KLF4: variants seen among roughly 807,000 people sequenced by gnomAD.
KLF4 encodes the protein KLF transcription factor 4.
In KLF4, 14 loss-of-function variants were observed where a neutral mutation model predicts 38.0. That is an observed-to-expected ratio of 0.37 (90% CI 0.24 to 0.58). KLF4 has a LOEUF of 0.58. KLF4 is among the 20% of genes least tolerant of loss of function. KLF4 has a pLI of 0.76. For synonymous variants in KLF4, 398 were observed against 302.5 expected, an observed-to-expected ratio of 1.32 and a Z score of -3.28; for missense variants, 737 against 670.1, an observed-to-expected ratio of 1.10 and a Z score of -1.10.
rs1587921250 is a variant in KLF4, at chr9:107,487,456, C to T, written c.938G>A (p.Ser313Asn). The T allele has an allele frequency of 6.5e-7, 1 of 1,533,666 alleles. No individual in the cohort carries two copies. The highest frequency in any genetic ancestry group is 8.8e-7 in the Non-Finnish European group (1 of 1,142,316). ...HDFPLGRQLP[S>N]RTTPTLGLEE... ...AAGACCCAGGGTCGGGGTAGTCCTG[C>T]TGGGGAGCTGCCGCCCCAGGGGGAA... Residue 313 changes from serine to asparagine, a missense_variant, in exon 3 of 5, where the codon AGC becomes AAC. This residue lies in a region of KLF4 where 695 missense variants were observed against 554.5 expected (regional missense o/e 1.25). Transcript: ENST00000374672. This position sits in a 1 kb window ranked among gnomAD's most constrained non-coding sequence, Gnocchi z 6.1.
rs780247883 is a variant in KLF4 at position 107,488,881 on chromosome 9, A to C, written c.126+49T>G. On this transcript the variant is annotated intron_variant, in intron 2 of 4. Coordinates refer to ENST00000374672, the MANE Select transcript of KLF4 (RefSeq NM_004235.6). The surrounding 1 kb of genome is among the most constrained non-coding windows in gnomAD (Gnocchi z 5.7). Reference sequence around the variant, plus strand: ...CCAAGGCTCCGCCCGCCCCCACCACACCCACGAAAACCCACCGGGCGTTCC... The same window carrying C: ...CCAAGGCTCCGCCCGCCCCCACCACCCCCACGAAAACCCACCGGGCGTTCC... 1.3e-6 allele frequency: 2 copies of C among 1,532,920 alleles called. No homozygotes were observed. The highest frequency in any genetic ancestry group is 1.8e-6 in the Non-Finnish European group (2 of 1,134,738). The allele number at this position is 1,532,920 out of a possible 1,614,324, so 95.0% of individuals were successfully genotyped here. A position where few individuals can be genotyped will look rare whatever the true frequency, so the allele number is the denominator to read the frequency against.
Position 107,488,882 on chromosome 9 carries a change from C to A in KLF4, c.126+48G>T, listed in dbSNP as rs915511725. On this transcript the variant is annotated intron_variant, in intron 2 of 4. Coordinates refer to ENST00000374672, the MANE Select transcript of KLF4 (RefSeq NM_004235.6). This position sits in a 1 kb window ranked among gnomAD's most constrained non-coding sequence, Gnocchi z 5.7. Reference sequence around the variant, plus strand: ...CAAGGCTCCGCCCGCCCCCACCACACCCACGAAAACCCACCGGGCGTTCCC... The same window carrying A: ...CAAGGCTCCGCCCGCCCCCACCACAACCACGAAAACCCACCGGGCGTTCCC... 3.9e-6 allele frequency: 6 copies of A among 1,534,720 alleles called. No homozygotes were observed. The Admixed American group carries it at 8.0e-5, about 20-fold the overall frequency.
Position 107,486,739 on chromosome 9 carries a change from C to T in KLF4, c.1264+289G>A, listed in dbSNP as rs535318030. 2.6e-5 allele frequency among the ~76,000 whole-genome samples: 4 copies of T among 152,110 alleles called. No individual in the cohort carries two copies. The South Asian group carries it at 8.3e-4, about 32-fold the overall frequency. Reference sequence around the variant, plus strand: ...AGGCCCACAGACCGCGGGGAATCTCCTGCCTTTTAAAAGCCTAACAAAATT... The same window carrying T: ...AGGCCCACAGACCGCGGGGAATCTCTTGCCTTTTAAAAGCCTAACAAAATT... On this transcript the variant is annotated intron_variant, in intron 4 of 4. Transcript: ENST00000374672.
chr9:107,487,368 G>C lies in KLF4; in HGVS notation c.1026C>G (p.Pro342=). The change falls in exon 3 of 5, where the codon CCC becomes CCG. Residue 342 remains proline (P), a synonymous_variant. Coordinates refer to ENST00000374672, the MANE Select transcript of KLF4 (RefSeq NM_004235.6). This position sits in a 1 kb window ranked among gnomAD's most constrained non-coding sequence, Gnocchi z 6.1. The stretch of plus-strand genomic sequence containing the variant: ...AGGATGGGTAATTGGGCCCCGGGTG[G>C]GGATGGAAGCCGGGAGGAAGCGGCA... ...PALPLPPGFH[P]HPGPNYPSFL... 6.5e-7 allele frequency: 1 copy of C among 1,540,782 alleles called. No homozygotes were observed. Among genetic ancestry groups the C allele is most frequent in the Non-Finnish European group, 8.7e-7 (1 of 1,145,112 alleles).
chr9:107,489,650 G>A lies in KLF4; in HGVS notation c.-478C>T. 7.0e-6 allele frequency: 1 copy of A among 143,366 alleles called. No individual in the cohort carries two copies. The highest frequency in any genetic ancestry group is 1.4e-5 in the Non-Finnish European group (1 of 72,324). 8.9% of individuals were successfully genotyped at this position (143,366 alleles called of 1,614,324 possible). On this transcript the variant is annotated 5_prime_UTR_variant, in exon 1 of 5. Coordinates refer to ENST00000374672, the MANE Select transcript of KLF4 (RefSeq NM_004235.6). ...GCGGGCCACGGGCGGGTGGGAGGGT[G>A]GGGGGCCAGAGGGGCGGGGGAGGGT...
Position 107,488,138 on chromosome 9 carries a change from T to C in KLF4, c.256A>G (p.Ser86Gly), listed in dbSNP as rs781329720. ...CTCCGAGGTAGGGGCGCCAGGTTGC[T>C]ACCGCCGCAAGCCGCACCGGCTCCG... is the stretch of plus-strand genomic sequence containing the variant. ...SGGAGAACGG[S>G]NLAPLPRRET... The change falls in exon 3 of 5, where the codon AGC becomes GGC. Residue 86 changes from serine to glycine, a missense_variant. Ser to Gly is a moderately conservative substitution (Grantham distance 56, BLOSUM62 0). This residue lies in a region of KLF4 where 695 missense variants were observed against 554.5 expected (regional missense o/e 1.25). Transcript: ENST00000374672. This position sits in a 1 kb window ranked among gnomAD's most constrained non-coding sequence, Gnocchi z 5.7. 3.1e-5 allele frequency: 50 copies of C among 1,612,356 alleles called. 1 individual carries two copies. The South Asian group carries it at 4.2e-4, about 13-fold the overall frequency.
chr9:107,488,249 A>G lies in KLF4; in HGVS notation c.145T>C (p.Ser49Pro). The G allele has an allele frequency of 2.5e-6, 4 of 1,607,108 alleles. No homozygotes were observed. The highest frequency in any genetic ancestry group is 3.4e-6 in the Non-Finnish European group (4 of 1,177,874). ...ACTGGGGGAAGTCGCTTCATGTGGG[A>G]GAGCTCCTCCCGCCAGCGCTGCGGG... is the stretch of plus-strand genomic sequence containing the variant. Reference protein sequence around the residue: ...APNNRWREELSHMKRLPPVLP... With the variant: ...APNNRWREELPHMKRLPPVLP... The change falls in exon 3 of 5, where the codon TCC becomes CCC. Residue 49 changes from serine (S) to proline (P), a missense_variant. By Grantham distance (74) the Ser-to-Pro change is moderately conservative (BLOSUM62 -1). This residue lies in a region of KLF4 where 695 missense variants were observed against 554.5 expected (regional missense o/e 1.25). Transcript: ENST00000374672. The surrounding 1 kb of genome is among the most constrained non-coding windows in gnomAD (Gnocchi z 5.7).
chr9:107,488,158 G>A lies in KLF4; in HGVS notation c.236C>T (p.Ala79Val), dbSNP rs144010829. 6.2e-7 allele frequency: 1 copy of A among 1,612,464 alleles called. No homozygotes were observed. The highest frequency in any genetic ancestry group is 8.5e-7 in the Non-Finnish European group (1 of 1,179,872). Reference sequence around the variant, plus strand: ...GTTGCTACCGCCGCAAGCCGCACCGGCTCCGCCGCTCTCCAGGTCTGTGGC... The same window carrying A: ...GTTGCTACCGCCGCAAGCCGCACCGACTCCGCCGCTCTCCAGGTCTGTGGC... ...TVATDLESGG[A>V]GAACGGSNLA... The change falls in exon 3 of 5, where the codon GCC (alanine) becomes GTC (valine). Residue 79 changes from alanine (A) to valine (V), a missense_variant. By Grantham distance (64) the Ala-to-Val change is moderately conservative. Around this residue, in one of 2 missense-constraint regions of KLF4, gnomAD observed 695 missense variants for 554.5 expected, o/e 1.25. Transcript: ENST00000374672. The surrounding 1 kb of genome is among the most constrained non-coding windows in gnomAD (Gnocchi z 5.7).
chr9:107,487,513 A>G lies in KLF4; in HGVS notation c.881T>C (p.Leu294Pro), dbSNP rs1829090319. Residue 294 changes from leucine to proline, a missense_variant, in exon 3 of 5, where the codon CTC (leucine) becomes CCC (proline). Leu to Pro is a moderately conservative substitution (Grantham distance 98). Around this residue, in one of 2 missense-constraint regions of KLF4, gnomAD observed 695 missense variants for 554.5 expected, o/e 1.25. Coordinates refer to ENST00000374672, the MANE Select transcript of KLF4 (RefSeq NM_004235.6). This position sits in a 1 kb window ranked among gnomAD's most constrained non-coding sequence, Gnocchi z 6.1. ...TGCAGCCGGCCGGTGGCCATTGCTG[A>G]GAGGGGGTCCAGCGCCCAAGTGGGT... is the stretch of plus-strand genomic sequence containing the variant. ...SCTHLGAGPP[L>P]SNGHRPAAHD... 7.7e-6 allele frequency: 12 copies of G among 1,548,618 alleles called. No individual in the cohort carries two copies. The East Asian group carries it at 2.3e-4, about 29-fold the overall frequency.
Position 107,489,368 on chromosome 9 carries a change from G to A in KLF4, c.-196C>T. ...GTATACAAAAGTTCTTAGAAAAGTT[G>A]TAAACGCAAAAATAGACAATCAGCA... is the stretch of plus-strand genomic sequence containing the variant. On this transcript the variant is annotated 5_prime_UTR_variant, in exon 1 of 5. Transcript: ENST00000374672. 1.5e-6 allele frequency: 1 copy of A among 685,680 alleles called. No individual in the cohort carries two copies. Among genetic ancestry groups the A allele is most frequent in the Non-Finnish European group, 2.2e-6 (1 of 458,246 alleles). 42.5% of individuals were successfully genotyped at this position (685,680 alleles called of 1,614,324 possible). A position where few individuals can be genotyped will look rare whatever the true frequency, so the allele number is the denominator to read the frequency against.
In KLF4 at chr9:107,487,846, G is replaced by C. The variant is rs543096654; in HGVS notation, c.548C>G (p.Ala183Gly). The C allele has an allele frequency of 1.3e-6, 2 of 1,527,168 alleles. No homozygotes were observed. The highest frequency in any genetic ancestry group is 2.7e-5 in the African/African-American group (2 of 72,764). 94.6% of individuals were successfully genotyped at this position (1,527,168 alleles called of 1,614,324 possible). The change falls in exon 3 of 5, where the codon GCT becomes GGT. Residue 183 changes from alanine (A) to glycine (G), a missense_variant. By Grantham distance (60) the Ala-to-Gly change is moderately conservative. This residue lies in a region of KLF4 where 695 missense variants were observed against 554.5 expected (regional missense o/e 1.25). Transcript: ENST00000374672. The surrounding 1 kb of genome is among the most constrained non-coding windows in gnomAD (Gnocchi z 6.1). ...GTTGATGTCCGCCAGGTTGAAGGGA[G>C]CCGTCGGAGGGGGAGCGGACTCCCT... ...YGRESAPPPT[A>G]PFNLADINDV...
Position 107,488,037 on chromosome 9 carries a change from T to C in KLF4, c.357A>G (p.Ser119=). 1.2e-6 allele frequency: 2 copies of C among 1,611,284 alleles called. No individual in the cohort carries two copies. Among genetic ancestry groups the C allele is most frequent in the Non-Finnish European group, 1.7e-6 (2 of 1,179,234 alleles). ...LSNSLTHPPE[S]VAATVSSSAS... ...CTGACGAGGACACGGTGGCGGCCAC[T>C]GACTCCGGAGGATGGGTCAGCGAAT... Residue 119 remains serine, a synonymous_variant, in exon 3 of 5, where the codon TCA becomes TCG. Transcript: ENST00000374672. This position sits in a 1 kb window ranked among gnomAD's most constrained non-coding sequence, Gnocchi z 5.7.
In KLF4 at chr9:107,488,799, G is replaced by A. The variant is rs546596406; in HGVS notation, c.126+131C>T. On this transcript the variant is annotated intron_variant, in intron 2 of 4. Coordinates refer to ENST00000374672, the MANE Select transcript of KLF4 (RefSeq NM_004235.6). This position sits in a 1 kb window ranked among gnomAD's most constrained non-coding sequence, Gnocchi z 5.7. ...AGGACACGGAAGCTATCCCGGGAAG[G>A]TTGCGGAGTCCGCGCGGTGGCCGCT... is the stretch of plus-strand genomic sequence containing the variant. 1.0e-5 allele frequency: 13 copies of A among 1,283,076 alleles called. No homozygotes were observed. In the African/African-American group the frequency reaches 1.5e-4, roughly 15 times the overall value. 79.5% of individuals were successfully genotyped at this position (1,283,076 alleles called of 1,614,324 possible).
At position 107,489,721 on chromosome 9, in the gene KLF4, T is replaced by A. The variant is rs1051530735; in HGVS notation, c.-549A>T. 13 of 207,516 alleles carry A rather than the reference T, an allele frequency of 6.3e-5. No homozygotes were observed. Among genetic ancestry groups the A allele is most frequent in the Non-Finnish European group, 1.3e-4 (13 of 101,766 alleles). The allele number at this position is 207,516 out of a possible 1,614,324, so 12.9% of individuals were successfully genotyped here. A position where few individuals can be genotyped will look rare whatever the true frequency, so the allele number is the denominator to read the frequency against. On this transcript the variant is annotated 5_prime_UTR_variant, in exon 1 of 5. Transcript: ENST00000374672. The stretch of plus-strand genomic sequence containing the variant: ...CGCCGCCGCCCGCCACCGCCTCTGC[T>A]CCCCGCGCGCCCGCAGACACGTTCG...
rs1554756167 is a variant in KLF4, at chr9:107,487,849, G to A, written c.545C>T (p.Thr182Met). 1.5e-5 allele frequency: 23 copies of A among 1,527,606 alleles called. No individual in the cohort carries two copies. In the South Asian group the frequency reaches 2.9e-4, roughly 19 times the overall value. 94.6% of individuals were successfully genotyped at this position (1,527,606 alleles called of 1,614,324 possible). ...LYGRESAPPP[T>M]APFNLADIND... ...GATGTCCGCCAGGTTGAAGGGAGCC[G>A]TCGGAGGGGGAGCGGACTCCCTGCC... is the stretch of plus-strand genomic sequence containing the variant. Residue 182 changes from threonine (T) to methionine (M), a missense_variant, in exon 3 of 5, where the codon ACG becomes ATG. Physicochemically the swap from Thr to Met is moderately conservative, Grantham distance 81 (BLOSUM62 -1). This residue lies in a region of KLF4 where 695 missense variants were observed against 554.5 expected (regional missense o/e 1.25). Coordinates refer to ENST00000374672, the MANE Select transcript of KLF4 (RefSeq NM_004235.6). The surrounding 1 kb of genome is among the most constrained non-coding windows in gnomAD (Gnocchi z 6.1).
rs1424067587 is a variant in KLF4, at chr9:107,485,471, A to G, written c.*280T>C. The G allele has an allele frequency of 8.3e-6, 3 of 361,336 alleles. No individual in the cohort carries two copies. Among genetic ancestry groups the G allele is most frequent in the African/African-American group, 2.1e-5 (1 of 47,876 alleles). The allele number at this position is 361,336 out of a possible 1,614,324, so 22.4% of individuals were successfully genotyped here. Reference sequence around the variant, plus strand: ...TTATACCCTGATATCCACAACTTCCAGTCACCCCCTTGGCATTTTGTAAGT... The same window carrying G: ...TTATACCCTGATATCCACAACTTCCGGTCACCCCCTTGGCATTTTGTAAGT... On this transcript the variant is annotated 3_prime_UTR_variant, in exon 5 of 5. Coordinates refer to ENST00000374672, the MANE Select transcript of KLF4 (RefSeq NM_004235.6). The surrounding 1 kb of genome is among the most constrained non-coding windows in gnomAD (Gnocchi z 4.9).
rs995792412 is a variant in KLF4 at position 107,487,785 on chromosome 9, G to A, written c.609C>T (p.Leu203=). ...ACACCGGGTCCAATTCTGGCCGCAG[G>A]AGCTCGGCCACGAAGCCGCCCGAGG... ...VSPSGGFVAE[L]LRPELDPVYI... is the part of the protein sequence containing the mutation. Residue 203 remains leucine (L), a synonymous_variant, in exon 3 of 5, where the codon CTC becomes CTT. Coordinates refer to ENST00000374672, the MANE Select transcript of KLF4 (RefSeq NM_004235.6). This position sits in a 1 kb window ranked among gnomAD's most constrained non-coding sequence, Gnocchi z 6.1. 9.1e-6 allele frequency: 14 copies of A among 1,544,644 alleles called. No individual in the cohort carries two copies. Among genetic ancestry groups the A allele is most frequent in the Non-Finnish European group, 1.2e-5 (14 of 1,143,374 alleles).
At position 107,487,392 on chromosome 9, in the gene KLF4, C is replaced by T. The variant is rs1241299322; in HGVS notation, c.1002G>A (p.Leu334=). ...VLSSRDCHPA[L]PLPPGFHPHP... ...GGGGATGGAAGCCGGGAGGAAGCGGCAGGGCAGGGTGACAGTCCCTGCTGC... is the reference window on the plus strand; with the variant it reads ...GGGGATGGAAGCCGGGAGGAAGCGGTAGGGCAGGGTGACAGTCCCTGCTGC... Residue 334 remains leucine (L), a synonymous_variant, in exon 3 of 5, where the codon CTG becomes CTA. Transcript: ENST00000374672. The surrounding 1 kb of genome is among the most constrained non-coding windows in gnomAD (Gnocchi z 6.1). 1.3e-6 allele frequency: 2 copies of T among 1,530,532 alleles called. No individual in the cohort carries two copies. Among genetic ancestry groups the T allele is most frequent in the East Asian group, 2.3e-5 (1 of 43,506 alleles). The allele number at this position is 1,530,532 out of a possible 1,614,324, so 94.8% of individuals were successfully genotyped here. A position where few individuals can be genotyped will look rare whatever the true frequency, so the allele number is the denominator to read the frequency against.
rs1274570265 is a variant in KLF4, at chr9:107,487,746, C to A, written c.648G>T (p.Gln216His). The change falls in exon 3 of 5, where the codon CAG becomes CAT. Residue 216 changes from glutamine (Q) to histidine (H), a missense_variant. By Grantham distance (24) the Gln-to-His change is conservative (BLOSUM62 0). This residue lies in a region of KLF4 where 695 missense variants were observed against 554.5 expected (regional missense o/e 1.25). Coordinates refer to ENST00000374672, the MANE Select transcript of KLF4 (RefSeq NM_004235.6). The surrounding 1 kb of genome is among the most constrained non-coding windows in gnomAD (Gnocchi z 6.1). ...GCCCGCCACCTGGCGGCTGCGGCTG[C>A]TGCGGCGGAATGTACACCGGGTCCA... ...PELDPVYIPP[Q>H]QPQPPGGGLM... The A allele has an allele frequency of 3.2e-6, 5 of 1,577,716 alleles. No individual in the cohort carries two copies. Among genetic ancestry groups the A allele is most frequent in the African/African-American group, 1.3e-5 (1 of 74,086 alleles).
Sources: gnomAD v4.1 joint callset for allele counts (sites outside exome capture counted in the v4.1 genomes callset) on GRCh38, gnomAD v4.1.1 for gene constraint, gnomAD v4.1.1 regional missense constraint, Gnocchi (gnomAD v3.1) non-coding constraint, MANE v1.5 for transcripts, NCBI Gene and HGNC (gene_info 2026-07-23, HGNC 2026-07-21) for gene names.